The following ME3 variants were observed in gnomAD, a reference collection of about 807,000 sequenced individuals.
The protein encoded by ME3 is malic enzyme 3, also known as NADP-dependent malic enzyme, mitochondrial.
A neutral mutation model predicts 68.9 loss-of-function variants in ME3; 48 were observed. The observed-to-expected ratio is 0.70, with a 90% CI of 0.55 to 0.89. The LOEUF (loss-of-function observed/expected upper bound fraction) is 0.89. Among genes scored for constraint, ME3 ranks in the 40% least tolerant of loss-of-function variants. The probability of loss-of-function intolerance (pLI) is 0.00; values close to 1 mark genes in which losing one functional copy is unlikely to be tolerated. For synonymous variants in ME3, 320 were observed against 318.8 expected, an observed-to-expected ratio of 1.00 and a Z score of -0.04; for missense variants, 675 against 797.4, an observed-to-expected ratio of 0.85 and a Z score of 1.85.
At chr11:86,522,622 C>G (rs1342552041) in intron 4 of ME3, among the ~76,000 whole-genome samples, 1 of 151,990 alleles carries the variant, frequency 6.6e-6, no homozygotes, top group African/African-American at 2.4e-5. Context: ...TGAGCGAGAA[C>G]ATGTGGAGTT....
chr11:86,467,316 A>T (rs1456876801), intron 7 of ME3, among the ~76,000 whole-genome samples: 1 of 152,178 alleles, frequency 6.6e-6, no homozygotes, highest in Non-Finnish European at 1.5e-5. Context: ...ACAGTCATAG[A>T]ACAAATGCTG....
chr11:86,538,892 G>A (rs1175256991), intron 4 of ME3, among the ~76,000 whole-genome samples: 1 of 152,164 alleles, frequency 6.6e-6, no homozygotes, highest in Admixed American at 6.5e-5. Context: ...AAGAAGAGGG[G>A]CTTTCTTGTG....
intron 4 of ME3, among the ~76,000 whole-genome samples, chr11:86,553,221 T>G (rs1419068687): frequency 3.3e-5 from 5 of 152,160 alleles, no homozygotes; most frequent in Non-Finnish European, 7.4e-5. Flanking sequence ...AGATACTCTT[T>G]CCCCGGTAAT....
In ME3 at chr11:86,554,214, A is replaced by G. The variant is rs1404759264; in HGVS notation, c.467+2339T>C. Among the ~76,000 whole-genome samples, 4 of 152,188 alleles carry G rather than the reference A, an allele frequency of 2.6e-5. No individual in the cohort carries two copies. In the East Asian group the frequency reaches 7.7e-4, roughly 29 times the overall value. On this transcript the variant is annotated intron_variant, in intron 4 of 14. Coordinates refer to ENST00000543262, the Ensembl canonical transcript of ME3. The stretch of plus-strand genomic sequence containing the variant: ...GGAACCACTGAAGCCACTACAATCT[A>G]GTTTCCATAAGAGCATATGGAGTGA...
intron 4 of ME3, among the ~76,000 whole-genome samples, chr11:86,551,962 T>C: frequency 6.6e-6 from 1 of 152,202 alleles, no homozygotes; most frequent in East Asian, 1.9e-4. Flanking sequence ...TAAGTGCAAG[T>C]ACAGATGATT....
At chr11:86,548,991 C>T (rs1025347711) in intron 4 of ME3, among the ~76,000 whole-genome samples, 1 of 152,350 alleles carries the variant, frequency 6.6e-6, no homozygotes, top group Admixed American at 6.5e-5. Context: ...TCAACATCAC[C>T]TGGACTTCGT....
intron 6 of ME3, among the ~76,000 whole-genome samples, chr11:86,489,581 G>T (rs1225848240): frequency 1.3e-5 from 2 of 152,202 alleles, no homozygotes; most frequent in African/African-American, 4.8e-5. Context: ...GCCTTCAGCC[G>T]CCACACTCTC....
intron 5 of ME3, 33 bp from the exon 6 acceptor site, chr11:86,498,157 C>A: frequency 1.3e-6 from 2 of 1,586,920 alleles, no homozygotes; most frequent in South Asian, 1.1e-5. Flanking sequence ...CAATCAGGGA[C>A]AGCACTTCCT....
intron 7 of ME3, among the ~76,000 whole-genome samples, chr11:86,471,867 C>G (rs1305627025): frequency 6.6e-6 from 1 of 152,136 alleles, no homozygotes; most frequent in Non-Finnish European, 1.5e-5. Context: ...GTACTACTTG[C>G]TAAAACCTCA....
Position 86,631,297 on chromosome 11 carries a change from C to A in ME3, c.183+40465G>T, listed in dbSNP as rs1943997884. On this transcript the variant is annotated intron_variant, in intron 2 of 14. Coordinates refer to ENST00000543262, the Ensembl canonical transcript of ME3. ...AGTCCCTGTGCTCTCCTGCCTCCCC[C>A]TTCTCTGCACATTAATGTCTTGGTG... Among the ~76,000 whole-genome samples the A allele has an allele frequency of 2.0e-5, 3 of 152,180 alleles. No individual in the cohort carries two copies. The South Asian group carries it at 6.2e-4, about 32-fold the overall frequency.
At chr11:86,508,748 A>T (rs1953277594) in intron 5 of ME3, 44 bp downstream of exon 5, 2 of 1,527,350 alleles carry the variant, frequency 1.3e-6, no homozygotes, top group Non-Finnish European at 1.8e-6. Flanking sequence ...GGCTGAAATG[A>T]TTCACCCAAC....
At chr11:86,650,399 C>CA (rs1191763277) in intron 2 of ME3, among the ~76,000 whole-genome samples, 1 of 152,140 alleles carries the variant, frequency 6.6e-6, no homozygotes, top group Non-Finnish European at 1.5e-5. Flanking sequence ...TACGTATGGG[C>CA]AAATACTTCA....
At chr11:86,508,895 G>A (rs1367574214) in intron 4 of ME3, 28 bp from the exon 5 acceptor site, 6 of 1,565,826 alleles carry the variant, frequency 3.8e-6, no homozygotes, top group Non-Finnish European at 5.3e-6. Context: ...CGTACACACA[G>A]AGAAACCAGG....
At chr11:86,521,417 A>C (rs1159514660) in intron 4 of ME3, among the ~76,000 whole-genome samples, 2 of 123,056 alleles carry the variant, frequency 1.6e-5, no homozygotes, top group South Asian at 4.8e-4. Context: ...ACAAAACAAA[A>C]CAAAACAAAA....
chr11:86,482,420 C>T (rs1185442959), intron 7 of ME3, among the ~76,000 whole-genome samples: 1 of 152,036 alleles, frequency 6.6e-6, no homozygotes, highest in African/African-American at 2.4e-5. Flanking sequence ...CCCTGCTTAT[C>T]TGTGTAACTG....
chr11:86,471,699 C>T (rs945156233), intron 7 of ME3, among the ~76,000 whole-genome samples: 1 of 152,184 alleles, frequency 6.6e-6, no homozygotes, highest in Non-Finnish European at 1.5e-5. Context: ...TATGGTGGCA[C>T]ATGCCAGTCA....
rs552427868 is a variant in ME3, at chr11:86,649,791, C to T, written c.183+21971G>A. 1.1e-3 allele frequency among the ~76,000 whole-genome samples: 169 copies of T among 152,170 alleles called. 1 individual carries two copies. Among genetic ancestry groups the T allele is most frequent in the Middle Eastern group, 3.4e-3 (1 of 294 alleles). On this transcript the variant is annotated intron_variant, in intron 2 of 14. Coordinates refer to ENST00000543262, the Ensembl canonical transcript of ME3. The stretch of plus-strand genomic sequence containing the variant: ...TCCTTCAAGGAGAACTACAAACCAC[C>T]GCTTAAGGAAATCAGAGAGGACACA...
At chr11:86,672,106 T>A in intron 1 of ME3, 148 bp from the exon 2 acceptor site, 1 of 654,704 alleles carries the variant, frequency 1.5e-6, no homozygotes, top group Non-Finnish European at 2.2e-6. Flanking sequence ...CCCCCGCCAC[T>A]CCTCGGCTGC....
intron 5 of ME3, among the ~76,000 whole-genome samples, chr11:86,503,036 A>ATCC (rs1952829623): frequency 6.6e-6 from 1 of 151,136 alleles, no homozygotes; most frequent in Non-Finnish European, 1.5e-5. Flanking sequence ...CTTTCCTTTT[A>ATCC]TCCTCCTCCT....
Sources: gnomAD v4.1 joint callset for allele counts (sites outside exome capture counted in the v4.1 genomes callset) on GRCh38, gnomAD v4.1.1 for gene constraint, MANE v1.5 for transcripts, NCBI Gene and HGNC (gene_info 2026-07-23, HGNC 2026-07-21) for gene names.